The following STX16 variants were observed in gnomAD, a reference collection of about 807,000 sequenced individuals.
The protein encoded by STX16 is syntaxin-16.
Under a neutral mutation model 42.7 loss-of-function variants are expected in STX16, and 28 were observed. That is an observed-to-expected ratio of 0.66 (90% confidence interval 0.49 to 0.90). STX16 has a LOEUF of 0.90. Among genes scored for constraint, STX16 ranks in the 40% least tolerant of loss-of-function variants. The probability of loss-of-function intolerance (pLI) is 0.00; values close to 1 mark genes in which losing one functional copy is unlikely to be tolerated. For missense variants in STX16, 361 were observed against 420.9 expected (o/e 0.86, Z 1.24); for synonymous variants, 156 against 155.2 (o/e 1.00, Z -0.04).
chr20:58,668,379 C>T (rs1439581695), intron 4 of STX16, among the ~76,000 whole-genome samples: 1 of 152,156 alleles, frequency 6.6e-6, no homozygotes, highest in Non-Finnish European at 1.5e-5. Flanking sequence ...AAATTTCAAA[C>T]ATTATCGAGT....
intron 4 of STX16, 131 bp from the exon 5 acceptor site, chr20:58,669,160 C>CTG: frequency 2.2e-6 from 2 of 911,998 alleles, no homozygotes; most frequent in South Asian, 3.4e-5. Flanking sequence ...TTCCTTTTAT[C>CTG]TGTTCACCTT....
intron 5 of STX16, among the ~76,000 whole-genome samples, chr20:58,669,775 G>T (rs767884703): frequency 2.0e-5 from 3 of 152,180 alleles, no homozygotes; most frequent in Non-Finnish European, 4.4e-5. Context: ...TTTTCTGGAT[G>T]TTGGGGTTTG....
At chr20:58,663,460 C>T (rs1351036421) in intron 2 of STX16, among the ~76,000 whole-genome samples, 1 of 152,128 alleles carries the variant, frequency 6.6e-6, no homozygotes, top group Non-Finnish European at 1.5e-5. Context: ...GTGAGACTGG[C>T]AGGAAAGCCA....
At chr20:58,665,776 G>T (rs1234838315) in intron 2 of STX16, among the ~76,000 whole-genome samples, 1 of 152,126 alleles carries the variant, frequency 6.6e-6, no homozygotes, top group Non-Finnish European at 1.5e-5. Context: ...AGCACCGTTG[G>T]GCTTAATCAC....
At chr20:58,671,567 C>T (rs147815484) in intron 7 of STX16, among the ~76,000 whole-genome samples, 1,988 of 151,518 alleles carry the variant, frequency 0.013, 49 homozygotes, top group African/African-American at 0.046. Flanking sequence ...CTGAAGTCTC[C>T]TGGGTGCTAA....
chr20:58,667,381 T>G (rs1167261518), intron 2 of STX16, 109 bp from the exon 3 acceptor site: 1 of 898,452 alleles, frequency 1.1e-6, no homozygotes, highest in African/African-American at 1.6e-5. Flanking sequence ...GAGTAAACAT[T>G]CACTCCTTTC....
At chr20:58,669,661 G>T (rs534177511) in intron 5 of STX16, among the ~76,000 whole-genome samples, 1 of 152,156 alleles carries the variant, frequency 6.6e-6, no homozygotes, top group Non-Finnish European at 1.5e-5. Context: ...GACCAAGGCT[G>T]GGGGAGGGCA....
intron 3 of STX16, 139 bp from the exon 4 acceptor site, chr20:58,667,848 A>G: frequency 1.7e-6 from 2 of 1,148,354 alleles, no homozygotes; most frequent in Non-Finnish European, 2.5e-6. Context: ...ATTTTCTGGT[A>G]ATTTGAATTA....
chr20:58,668,475 A>G (rs1477696216), intron 4 of STX16, among the ~76,000 whole-genome samples: 1 of 152,264 alleles, frequency 6.6e-6, no homozygotes, highest in Non-Finnish European at 1.5e-5. Context: ...CTCATAATTG[A>G]AAAAACAACT....
chr20:58,673,540 G>A (rs2084032262), intron 7 of STX16, 91 bp from the exon 8 acceptor site: 2 of 850,808 alleles, frequency 2.4e-6, no homozygotes, highest in Non-Finnish European at 3.9e-6. Context: ...TCTTATGGAT[G>A]ATGATGTCTG....
At chr20:58,663,958 G>A (rs559275395) in intron 2 of STX16, among the ~76,000 whole-genome samples, 13 of 152,316 alleles carry the variant, frequency 8.5e-5, no homozygotes, top group Middle Eastern at 3.4e-3. Context: ...GATTACCGGC[G>A]TGAGCCACCA....
At chr20:58,667,330 C>A (rs2083860162) in intron 2 of STX16, 160 bp from the exon 3 acceptor site, 2 of 717,126 alleles carry the variant, frequency 2.8e-6, no homozygotes, top group Non-Finnish European at 2.5e-6. Flanking sequence ...CAAGTGCATT[C>A]ACTCCTTTCT....
At chr20:58,652,391 C>A in intron 1 of STX16, 1 of 597,626 alleles carries the variant, frequency 1.7e-6, no homozygotes, top group Non-Finnish European at 3.1e-6. Context: ...CCGCACCCCC[C>A]GCCTTGGCGT....
At chr20:58,656,262 A>G (rs998828127) in intron 1 of STX16, among the ~76,000 whole-genome samples, 6 of 152,198 alleles carry the variant, frequency 3.9e-5, no homozygotes, top group African/African-American at 1.4e-4. Flanking sequence ...TAATTTGAAA[A>G]GGAGAAATTC....
intron 5 of STX16, among the ~76,000 whole-genome samples, chr20:58,670,284 T>G (rs977546548): frequency 1.3e-5 from 2 of 152,206 alleles, no homozygotes; most frequent in African/African-American, 4.8e-5. Context: ...ATTGTGCACA[T>G]TTACACTGTG....
chr20:58,669,026 C>T (rs555999681), intron 4 of STX16, among the ~76,000 whole-genome samples: 9 of 152,286 alleles, frequency 5.9e-5, no homozygotes, highest in African/African-American at 2.2e-4. Context: ...CCAAGCATTT[C>T]GGATGAGGGA....
intron 1 of STX16, among the ~76,000 whole-genome samples, chr20:58,654,187 A>G (rs1163565950): frequency 1.3e-5 from 2 of 152,188 alleles, no homozygotes; most frequent in East Asian, 1.9e-4. Context: ...GTTAATATTT[A>G]TATTAGTCTG....
At chr20:58,670,768 C>G (rs894422535) in intron 6 of STX16, among the ~76,000 whole-genome samples, 165 bp downstream of exon 6, 1 of 152,226 alleles carries the variant, frequency 6.6e-6, no homozygotes, top group African/African-American at 2.4e-5. Flanking sequence ...CGTACTGTTT[C>G]TTCCTTTCCA....
At chr20:58,671,407 G>A (rs1241339345) in intron 7 of STX16, 110 bp downstream of exon 7, 10 of 985,770 alleles carry the variant, frequency 1.0e-5, no homozygotes, top group East Asian at 2.5e-5. Context: ...TTCCCAACAT[G>A]TGTGTGCACC....
Sources: allele counts gnomAD v4.1 joint callset (sites outside exome capture counted in the v4.1 genomes callset), GRCh38; gene constraint gnomAD v4.1.1; transcripts MANE v1.5; gene names NCBI Gene and HGNC (gene_info 2026-07-23, HGNC 2026-07-21).